Variants in ALK observed in about 807,000 individuals in gnomAD.
The protein encoded by ALK is ALK receptor tyrosine kinase.
In ALK, 74 loss-of-function variants were observed where a neutral mutation model predicts 163.1. The observed-to-expected ratio is 0.45, with a 90% CI of 0.38 to 0.55. The LOEUF (loss-of-function observed/expected upper bound fraction) is 0.55, where lower values mean the gene tolerates loss of function less well. ALK is among the 20% of genes least tolerant of loss of function. ALK has a pLI of 0.00. For synonymous variants in ALK, 960 were observed against 843.2 expected, an observed-to-expected ratio of 1.14 and a Z score of -2.40; for missense variants, 2,063 against 2,105.3, an observed-to-expected ratio of 0.98 and a Z score of 0.39.
At chr2:29,216,811 CATATATGTGTGTGGTGTGTAT>C (rs1669624982) in intron 23 of ALK, among the ~76,000 whole-genome samples, 1 of 141,672 alleles carries the variant, frequency 7.1e-6, no homozygotes, top group African/African-American at 2.6e-5. Context: ...GTGTATGTGG[CATATATGTGTGTGGTGTGTAT>C]ATGTGCAGTA....
chr2:29,724,681 C>T (rs552716406), intron 1 of ALK, among the ~76,000 whole-genome samples: 3 of 152,264 alleles, frequency 2.0e-5, no homozygotes, highest in East Asian at 1.9e-4. Context: ...GGAAAATGAG[C>T]GGTTTGAACT....
chr2:29,408,114 G>T (rs563023600), intron 4 of ALK, among the ~76,000 whole-genome samples: 1 of 142,840 alleles, frequency 7.0e-6, no homozygotes, highest in Non-Finnish European at 1.5e-5. Context: ...ATGGAGTCTC[G>T]CTCTGTCACC....
At chr2:29,323,076 C>A (rs191425950) in intron 6 of ALK, among the ~76,000 whole-genome samples, 2 of 152,212 alleles carry the variant, frequency 1.3e-5, no homozygotes, top group Non-Finnish European at 2.9e-5. Flanking sequence ...TCACCACTTC[C>A]TGCTTTGTGA....
intron 3 of ALK, among the ~76,000 whole-genome samples, chr2:29,615,325 C>G (rs1675811287): frequency 6.6e-6 from 1 of 152,202 alleles, no homozygotes; most frequent in African/African-American, 2.4e-5. Flanking sequence ...TTCTTCTGTT[C>G]TTCTAGTGCA....
At chr2:29,471,675 C>T (rs1390307598) in intron 4 of ALK, among the ~76,000 whole-genome samples, 1 of 152,144 alleles carries the variant, frequency 6.6e-6, no homozygotes, top group African/African-American at 2.4e-5. Flanking sequence ...ATTTCCGTTC[C>T]CACATGCTCT....
chr2:29,795,392 T>C (rs938565664), intron 1 of ALK, among the ~76,000 whole-genome samples: 2 of 152,182 alleles, frequency 1.3e-5, no homozygotes, highest in Non-Finnish European at 2.9e-5. Flanking sequence ...TGGAAGAGCA[T>C]TTTAAAAAAC....
chr2:29,805,253 C>T (rs771070054), intron 1 of ALK, among the ~76,000 whole-genome samples: 2 of 152,166 alleles, frequency 1.3e-5, no homozygotes, highest in Non-Finnish European at 2.9e-5. Flanking sequence ...AGGATAGAAG[C>T]ACTATACAAA....
At chr2:29,580,321 T>G (rs1228466822) in intron 3 of ALK, among the ~76,000 whole-genome samples, 4 of 152,148 alleles carry the variant, frequency 2.6e-5, no homozygotes, top group African/African-American at 9.7e-5. Flanking sequence ...AAAGCTGCCT[T>G]TTGTAAATTA....
chr2:29,909,450 C>G (rs1450053989), intron 1 of ALK, among the ~76,000 whole-genome samples: 1 of 149,630 alleles, frequency 6.7e-6, no homozygotes, highest in Admixed American at 6.7e-5. Flanking sequence ...CAACTAGACA[C>G]ACATACACAC....
At chr2:29,524,448 C>T (rs542109758) in intron 4 of ALK, among the ~76,000 whole-genome samples, 1 of 152,190 alleles carries the variant, frequency 6.6e-6, no homozygotes, top group Admixed American at 6.5e-5. Flanking sequence ...GAAATGGACC[C>T]AGAAGATCTG....
At chr2:29,743,845 T>C (rs1680130076) in intron 1 of ALK, among the ~76,000 whole-genome samples, 1 of 152,156 alleles carries the variant, frequency 6.6e-6, no homozygotes, top group South Asian at 2.1e-4. Context: ...TCTATGAGAA[T>C]TGCTAGACAA....
intron 3 of ALK, among the ~76,000 whole-genome samples, chr2:29,562,225 A>G (rs1344321329): frequency 6.6e-6 from 1 of 152,170 alleles, no homozygotes; most frequent in Non-Finnish European, 1.5e-5. Flanking sequence ...TGTCTTTCCC[A>G]GTCTAAACTC....
At chr2:29,633,469 GA>G (rs1322361556) in intron 3 of ALK, among the ~76,000 whole-genome samples, 1 of 151,764 alleles carries the variant, frequency 6.6e-6, no homozygotes, top group Non-Finnish European at 1.5e-5. Context: ...CATTAGAAAA[GA>G]ATACAATTCT....
intron 1 of ALK, among the ~76,000 whole-genome samples, chr2:29,727,187 C>T (rs547717554): frequency 6.6e-5 from 10 of 152,296 alleles, no homozygotes; most frequent in African/African-American, 2.4e-4. Context: ...CACCACAAAG[C>T]CTGATGCCTG....
chr2:29,699,087 C>T (rs952316595), intron 2 of ALK, among the ~76,000 whole-genome samples: 1 of 152,228 alleles, frequency 6.6e-6, no homozygotes. Context: ...CCTTCACCCT[C>T]TTCCAACTCA....
chr2:29,755,695 C>T (rs926223491), intron 1 of ALK, among the ~76,000 whole-genome samples: 2 of 152,108 alleles, frequency 1.3e-5, no homozygotes, highest in Admixed American at 6.5e-5. Flanking sequence ...TATTAGTACC[C>T]ACCTCCCCAT....
chr2:29,460,973 G>A (rs1003887665), intron 4 of ALK, among the ~76,000 whole-genome samples: 13 of 152,144 alleles, frequency 8.5e-5, no homozygotes, highest in African/African-American at 3.1e-4. Flanking sequence ...TTAATAAAAA[G>A]TGTTACTCAA....
intron 28 of ALK, among the ~76,000 whole-genome samples, chr2:29,195,112 C>T (rs1573081106): frequency 1.3e-5 from 2 of 152,158 alleles, no homozygotes; most frequent in African/African-American, 4.8e-5. Context: ...TTAGTTCCCT[C>T]TGTGTTTTAG....
intron 1 of ALK, among the ~76,000 whole-genome samples, chr2:29,830,713 TAAAAAAAAAAAAAAAAAAAAAAAAAAA>T (rs530774574): frequency 1.8e-3 from 52 of 29,002 alleles, no homozygotes; most frequent in African/African-American, 5.0e-3. Context: ...TAAAATAGTT[TAAAAAAAAAAAAAAAAAAAAAAAAAAA>T]AAAAAAAAAA....
Sources: gnomAD v4.1 joint callset for allele counts (sites outside exome capture counted in the v4.1 genomes callset) on GRCh38, gnomAD v4.1.1 for gene constraint, MANE v1.5 for transcripts, NCBI Gene and HGNC (gene_info 2026-07-23, HGNC 2026-07-21) for gene names.